Variants in VEPH1 observed in about 807,000 individuals in gnomAD.
VEPH1 encodes ventricular zone-expressed PH domain-containing protein homolog 1.
A neutral mutation model predicts 85.2 loss-of-function variants in VEPH1; 80 were observed. That is an observed-to-expected ratio of 0.94 (90% CI 0.78 to 1.13). The LOEUF is 1.13. Ranked by LOEUF, VEPH1 falls within the 50% of genes most tolerant of loss-of-function variation. The probability of loss-of-function intolerance (pLI) is 0.00; values close to 1 mark genes in which losing one functional copy is unlikely to be tolerated. For synonymous variants in VEPH1, 297 were observed against 348.0 expected (o/e 0.85, Z 1.63); for missense variants, 955 against 980.5 (o/e 0.97, Z 0.35).
chr3:157,498,616 T>C (rs901215233), intron 1 of VEPH1, among the ~76,000 whole-genome samples: 5 of 152,228 alleles, frequency 3.3e-5, no homozygotes, highest in African/African-American at 1.2e-4. Context: ...TAATTATTAT[T>C]GAGCTGTCTC....
chr3:157,486,906 A>G (rs1738711151), intron 2 of VEPH1, among the ~76,000 whole-genome samples: 1 of 152,170 alleles, frequency 6.6e-6, no homozygotes, highest in African/African-American at 2.4e-5. Context: ...GGGAAATTAA[A>G]ACTAACTTCT....
chr3:157,426,052 G>A (rs1321516060), intron 5 of VEPH1, among the ~76,000 whole-genome samples: 1 of 152,164 alleles, frequency 6.6e-6, no homozygotes, highest in Non-Finnish European at 1.5e-5. Context: ...CACCATGTAA[G>A]GAGTGCCTTT....
intron 5 of VEPH1, among the ~76,000 whole-genome samples, chr3:157,415,436 T>A (rs1049758456): frequency 2.6e-5 from 4 of 152,138 alleles, no homozygotes; most frequent in African/African-American, 9.7e-5. Context: ...GGGCTCTAAT[T>A]TAGGCAAAGG....
At chr3:157,451,324 A>T (rs1260239729) in intron 4 of VEPH1, among the ~76,000 whole-genome samples, 3 of 152,228 alleles carry the variant, frequency 2.0e-5, no homozygotes, top group Non-Finnish European at 4.4e-5. Flanking sequence ...ATGAATCAAG[A>T]TAACATTCCA....
In VEPH1 at chr3:157,495,425, C is replaced by A. The variant is rs1739590576; in HGVS notation, c.-76G>T. 6.4e-7 allele frequency: 1 copy of A among 1,568,860 alleles called. No homozygotes were observed. The highest frequency in any genetic ancestry group is 1.9e-5 in the Admixed American group (1 of 51,720). ...TTCCAGTTATCAGAGGTCAGTAAGA[C>A]AAAAACATGTAGAAGGAGGTATACT... On this transcript the variant is annotated 5_prime_UTR_variant, in exon 2 of 14. Transcript: ENST00000362010.
chr3:157,381,253 G>T lies in VEPH1; in HGVS notation c.1030C>A (p.Pro344Thr). Residue 344 changes from proline (P) to threonine (T), a missense_variant, in exon 7 of 14, where the codon CCT (proline) becomes ACT (threonine). Transcript: ENST00000362010. ...ATGCGGAAGATGTCTCTGCTCTGAGGGCCCAAGATTGAGGAGAAGGTGTCG... is the reference window on the plus strand; with the variant it reads ...ATGCGGAAGATGTCTCTGCTCTGAGTGCCCAAGATTGAGGAGAAGGTGTCG... The part of the protein sequence containing the change: ...ITDTFSSILG[P>T]QSRDIFRMSN... The T allele has an allele frequency of 6.2e-7, 1 of 1,614,072 alleles. No individual in the cohort carries two copies. Among genetic ancestry groups the T allele is most frequent in the Non-Finnish European group, 8.5e-7 (1 of 1,180,012 alleles).
chr3:157,276,981 GC>G (rs1299884193), intron 12 of VEPH1, among the ~76,000 whole-genome samples: 1 of 151,742 alleles, frequency 6.6e-6, no homozygotes, highest in African/African-American at 2.4e-5. Context: ...GCAACGTCTG[GC>G]TCCCAGGTTC....
intron 3 of VEPH1, among the ~76,000 whole-genome samples, chr3:157,460,819 G>A (rs1411381653): frequency 3.3e-5 from 5 of 152,124 alleles, no homozygotes; most frequent in Non-Finnish European, 7.4e-5. Flanking sequence ...AGCTCAGGAT[G>A]GCTGAAGTGT....
intron 7 of VEPH1, among the ~76,000 whole-genome samples, chr3:157,372,844 A>G (rs1328486138): frequency 6.6e-6 from 1 of 152,244 alleles, no homozygotes; most frequent in Non-Finnish European, 1.5e-5. Context: ...TATTACAGCA[A>G]TGTTAAATTG....
At chr3:157,405,875 CT>C (rs1731101393) in intron 6 of VEPH1, among the ~76,000 whole-genome samples, 1 of 152,174 alleles carries the variant, frequency 6.6e-6, no homozygotes, top group Admixed American at 6.5e-5. Flanking sequence ...ATGTCTTTCT[CT>C]CCTCTGTGTC....
chr3:157,416,356 T>C (rs1731909431), intron 5 of VEPH1, among the ~76,000 whole-genome samples: 1 of 143,398 alleles, frequency 7.0e-6, no homozygotes, highest in African/African-American at 2.7e-5. Context: ...ATCCAGTACT[T>C]TTGGAGGAAA....
chr3:157,495,778 C>T (rs1739614962), intron 1 of VEPH1, among the ~76,000 whole-genome samples: 1 of 152,220 alleles, frequency 6.6e-6, no homozygotes, highest in Non-Finnish European at 1.5e-5. Context: ...ACATCCTTCT[C>T]TTCTCTCCAT....
At chr3:157,420,434 A>G (rs1488920008) in intron 5 of VEPH1, among the ~76,000 whole-genome samples, 2 of 152,068 alleles carry the variant, frequency 1.3e-5, no homozygotes, top group East Asian at 1.9e-4. Flanking sequence ...TTCAGGCCCA[A>G]TTTTCTCTTT....
intron 6 of VEPH1, among the ~76,000 whole-genome samples, chr3:157,405,533 C>T (rs905018010): frequency 3.3e-5 from 5 of 152,090 alleles, no homozygotes; most frequent in Non-Finnish European, 5.9e-5. Context: ...ACTGTCCAGC[C>T]GCATCTCTCC....
intron 11 of VEPH1, among the ~76,000 whole-genome samples, chr3:157,303,437 C>T (rs1430794649): frequency 6.6e-6 from 1 of 152,170 alleles, no homozygotes; most frequent in Non-Finnish European, 1.5e-5. Flanking sequence ...TGACTGAATA[C>T]ATGAACTTAG....
In VEPH1 at chr3:157,261,279, C is replaced by T. The variant is rs142149743; in HGVS notation, c.2357G>A (p.Arg786Gln). 1,119 of 1,613,588 alleles carry T rather than the reference C, an allele frequency of 6.9e-4. 2 individuals are homozygous for T. The highest frequency in any genetic ancestry group is 6.7e-4 in the Admixed American group (40 of 59,936). The part of the protein sequence containing the change: ...AKKRRDRSLP[R>Q]AFEIFTDNKT... ...ATTGTCTGTGAAGATTTCGAAAGCC[C>T]GGGGGAGAGAGCGGTCCCTGCGTTT... The change falls in exon 14 of 14, where the codon CGG becomes CAG. Residue 786 changes from arginine (R) to glutamine (Q), a missense_variant. Transcript: ENST00000362010.
intron 13 of VEPH1, among the ~76,000 whole-genome samples, chr3:157,264,831 C>T (rs1713408979): frequency 1.3e-5 from 2 of 152,120 alleles, no homozygotes; most frequent in South Asian, 4.1e-4. Context: ...TCCTCTTGAT[C>T]CTGAATCAGG....
intron 5 of VEPH1, among the ~76,000 whole-genome samples, chr3:157,418,413 C>T (rs1165267643): frequency 6.6e-6 from 1 of 152,028 alleles, no homozygotes; most frequent in Non-Finnish European, 1.5e-5. Flanking sequence ...GAAAACAGTG[C>T]CGTAACTTAA....
chr3:157,347,447 A>C (rs1361994100), intron 9 of VEPH1, among the ~76,000 whole-genome samples: 1 of 152,372 alleles, frequency 6.6e-6, no homozygotes, highest in East Asian at 1.9e-4. Context: ...CTGCTACATG[A>C]AACATGGGCC....
Sources: allele counts gnomAD v4.1 joint callset (sites outside exome capture counted in the v4.1 genomes callset), GRCh38; gene constraint gnomAD v4.1.1; transcripts MANE v1.5; gene names NCBI Gene and HGNC (gene_info 2026-07-23, HGNC 2026-07-21).